Variants in KLHL13 observed in about 807,000 individuals in gnomAD.
The protein encoded by KLHL13 is kelch-like protein 13.
Under a neutral mutation model 37.1 loss-of-function variants are expected in KLHL13, and 10 were observed. The ratio of observed to expected loss-of-function variants is 0.27; its 90% CI spans 0.17 to 0.46. The LOEUF is 0.46. Ranked by LOEUF, KLHL13 falls within the 20% of genes least tolerant of loss-of-function variation. The pLI is 1.00. For synonymous variants in KLHL13, 163 were observed against 181.2 expected (o/e 0.90, Z 0.81); for missense variants, 360 against 509.3 (o/e 0.71, Z 2.82).
In KLHL13 at chrX:117,964,435, T is replaced by C. The variant is rs770112496; in HGVS notation, c.98+8296A>G. On this transcript the variant is annotated intron_variant, in intron 1 of 6. Coordinates refer to ENST00000262820, the Ensembl canonical transcript of KLHL13. ...ATTAAGCTATTTAATTGCTTATGAA[T>C]GAAGATAGTATGGAAGATAAAAAAT... Among the ~76,000 whole-genome samples the C allele has an allele frequency of 2.3e-3, 258 of 112,016 alleles. 1 individual carries two copies. Among genetic ancestry groups the C allele is most frequent in the Non-Finnish European group, 4.1e-3 (216 of 53,169 alleles).
chrX:118,067,577 A>C (rs1166592622), intron 1 of KLHL13, among the ~76,000 whole-genome samples: 1 of 111,967 alleles, frequency 8.9e-6, no homozygotes, highest in Non-Finnish European at 1.9e-5. Flanking sequence ...GCTGTAAAAA[A>C]TATTGTATTT....
chrX:118,036,317 G>A (rs1156370125), intron 1 of KLHL13, among the ~76,000 whole-genome samples: 1 of 112,225 alleles, frequency 8.9e-6, no homozygotes, highest in Non-Finnish European at 1.9e-5. Flanking sequence ...CAAAGCTGGA[G>A]GCATCATGCT....
exon 5 of KLHL13, chrX:117,909,333 G>A: frequency 8.3e-7 from 1 of 1,202,157 alleles, no homozygotes; most frequent in Non-Finnish European, 1.1e-6. Context: ...CCCACCAACT[G>A]CATACAGATA....
intron 2 of KLHL13, among the ~76,000 whole-genome samples, chrX:117,940,261 G>A (rs780780854): frequency 1.1e-4 from 12 of 111,450 alleles, no homozygotes; most frequent in Non-Finnish European, 2.1e-4. Context: ...TAGATGTGTG[G>A]CATTACTTCT....
chrX:118,002,371 C>T (rs1035413918), intron 1 of KLHL13, among the ~76,000 whole-genome samples: 14 of 109,496 alleles, frequency 1.3e-4, no homozygotes, highest in African/African-American at 3.3e-4. Flanking sequence ...CCGAGGTGGG[C>T]GGATCACCTG....
chrX:118,032,211 A>T lies in KLHL13; in HGVS notation c.-56+84297T>A, dbSNP rs2497846. On this transcript the variant is annotated intron_variant, in intron 1 of 6. Transcript: ENST00000371882. ...GCTTGCTTAGGTAAACAAAGCAGCC[A>T]GGAAGCTTGAACTGGTTGGAGCCCA... 5.3e-4 allele frequency among the ~76,000 whole-genome samples: 59 copies of T among 110,300 alleles called. No individual in the cohort carries two copies. In the East Asian group the frequency reaches 0.011, roughly 21 times the overall value.
intron 1 of KLHL13, among the ~76,000 whole-genome samples, chrX:118,098,547 C>G (rs1296329483): frequency 2.7e-5 from 3 of 110,378 alleles, no homozygotes; most frequent in Non-Finnish European, 5.7e-5. Context: ...ACTAGAAATA[C>G]CATTTGACCC....
intron 2 of KLHL13, among the ~76,000 whole-genome samples, chrX:117,941,463 T>C (rs1217369664): frequency 2.7e-5 from 3 of 111,736 alleles, no homozygotes; most frequent in Non-Finnish European, 5.6e-5. Flanking sequence ...ATCCGTCTGG[T>C]CCTGGGCCTT....
chrX:118,092,949 G>A (rs2055154875), intron 1 of KLHL13, among the ~76,000 whole-genome samples: 2 of 111,397 alleles, frequency 1.8e-5, no homozygotes, highest in Non-Finnish European at 3.8e-5. Context: ...TTTTTAAAAA[G>A]TTTAGTCAAA....
exon 7 of KLHL13, chrX:117,898,846 A>G: frequency 9.1e-7 from 1 of 1,098,202 alleles, no homozygotes; most frequent in Admixed American, 2.8e-5. Context: ...AGGGGGAAAA[A>G]GAAGAGAATT....
intron 1 of KLHL13, among the ~76,000 whole-genome samples, chrX:118,073,933 C>T (rs1470036133): frequency 9.0e-6 from 1 of 111,724 alleles, no homozygotes; most frequent in African/African-American, 3.3e-5. Flanking sequence ...TATTATCTTC[C>T]TACCCTTAAC....
intron 1 of KLHL13, among the ~76,000 whole-genome samples, chrX:118,056,987 C>T (rs761919238): frequency 8.9e-6 from 1 of 112,133 alleles, no homozygotes; most frequent in Non-Finnish European, 1.9e-5. Context: ...ATTCCCCTGT[C>T]AAAACCACAC....
intron 1 of KLHL13, among the ~76,000 whole-genome samples, chrX:118,002,983 T>C (rs1204422393): frequency 8.9e-6 from 1 of 111,956 alleles, no homozygotes; most frequent in African/African-American, 3.2e-5. Flanking sequence ...ACCACAGAAA[T>C]ACAAAAGAAT....
At chrX:117,914,598 C>T (rs1931217670) in intron 4 of KLHL13, among the ~76,000 whole-genome samples, 1 of 111,723 alleles carries the variant, frequency 9.0e-6, no homozygotes, top group Non-Finnish European at 1.9e-5. Flanking sequence ...CCTCCTTCCA[C>T]AGATGAGACC....
intron 1 of KLHL13, among the ~76,000 whole-genome samples, chrX:118,047,855 G>C (rs1211924664): frequency 1.8e-5 from 2 of 111,932 alleles, no homozygotes; most frequent in Non-Finnish European, 3.8e-5. Context: ...AAAGAGTAAG[G>C]AGAGGCCGTG....
chrX:118,079,000 T>C, intron 1 of KLHL13, among the ~76,000 whole-genome samples: 1 of 110,507 alleles, frequency 9.0e-6, no homozygotes, highest in South Asian at 3.8e-4. Flanking sequence ...TCATATTCTA[T>C]TGCAGGTAAA....
chrX:117,921,975 T>A (rs771971834), intron 2 of KLHL13, among the ~76,000 whole-genome samples: 6 of 112,328 alleles, frequency 5.3e-5, no homozygotes, highest in Non-Finnish European at 1.1e-4. Context: ...TTAACAAATA[T>A]CAAATCTTTC....
intron 1 of KLHL13, among the ~76,000 whole-genome samples, chrX:118,101,583 A>G (rs6603365): frequency 2.7e-5 from 3 of 110,981 alleles, no homozygotes; most frequent in Non-Finnish European, 5.7e-5. Context: ...CTAAACTGAA[A>G]CCTCAAGGAC....
At chrX:118,027,018 T>A (rs2054281418) in intron 1 of KLHL13, among the ~76,000 whole-genome samples, 1 of 111,858 alleles carries the variant, frequency 8.9e-6, no homozygotes, top group Non-Finnish European at 1.9e-5. Context: ...AAGGTAGAAG[T>A]AACCCAGTCA....
Sources: gnomAD v4.1 joint callset for allele counts (sites outside exome capture counted in the v4.1 genomes callset) on GRCh38, gnomAD v4.1.1 for gene constraint, MANE v1.5 for transcripts, NCBI Gene and HGNC (gene_info 2026-07-23, HGNC 2026-07-21) for gene names.